Variants in ABCC9 observed in about 807,000 individuals in gnomAD.
ABCC9 encodes ATP-binding cassette sub-family C member 9.
In ABCC9, 95 loss-of-function variants were observed where a neutral mutation model predicts 188.3. The observed-to-expected ratio is 0.50, with a 90% confidence interval of 0.43 to 0.60. ABCC9 has a LOEUF of 0.60. Ranked by LOEUF, ABCC9 falls within the 20% of genes least tolerant of loss-of-function variation. The probability of loss-of-function intolerance (pLI) is 0.00; values close to 1 mark genes in which losing one functional copy is unlikely to be tolerated. For synonymous variants in ABCC9, 659 were observed against 652.7 expected, an observed-to-expected ratio of 1.01 and a Z score of -0.15; for missense variants, 1,102 against 1,876.3, an observed-to-expected ratio of 0.59 and a Z score of 7.62.
chr12:21,902,867 G>T (rs1192582115), intron 12 of ABCC9, among the ~76,000 whole-genome samples: 1 of 152,126 alleles, frequency 6.6e-6, no homozygotes, highest in African/African-American at 2.4e-5. Context: ...GAGGTACAAG[G>T]AGGAGCTGGT....
chr12:21,838,009 T>A, intron 30 of ABCC9, 69 bp downstream of exon 30: 1 of 1,242,752 alleles, frequency 8.0e-7, no homozygotes, highest in Non-Finnish European at 1.2e-6. Flanking sequence ...AATGATCAGT[T>A]ATTTGTAGAA....
At chr12:21,818,713 C>T (rs1847155807) in intron 31 of ABCC9, among the ~76,000 whole-genome samples, 1 of 149,468 alleles carries the variant, frequency 6.7e-6, no homozygotes, top group Non-Finnish European at 1.5e-5. Flanking sequence ...TTTTTGGACC[C>T]GGTTTTCTAG....
intron 30 of ABCC9, among the ~76,000 whole-genome samples, chr12:21,831,810 ACT>A (rs1943774911): frequency 6.6e-6 from 1 of 152,164 alleles, no homozygotes; most frequent in African/African-American, 2.4e-5. Context: ...TCCCTAGAGG[ACT>A]GTGTGATGGA....
Position 21,845,560 on chromosome 12 carries a change from A to G in ABCC9, c.3096+43T>C, listed in dbSNP as rs772784700. On this transcript the variant is annotated intron_variant, in intron 26 of 39. Coordinates refer to ENST00000261200, the MANE Select transcript of ABCC9 (RefSeq NM_020297.4). Reference sequence around the variant, plus strand: ...TAAGAAGGTATCACTGTTAATCTCAATATTTCCTTGATGATTTAAAAACAA... The same window carrying G: ...TAAGAAGGTATCACTGTTAATCTCAGTATTTCCTTGATGATTTAAAAACAA... 30 of 1,502,954 alleles carry G rather than the reference A, an allele frequency of 2.0e-5. No homozygotes were observed. In the South Asian group the frequency reaches 2.5e-4, roughly 13 times the overall value. 93.1% of individuals were successfully genotyped at this position (1,502,954 alleles called of 1,614,324 possible). A position where few individuals can be genotyped will look rare whatever the true frequency, so the allele number is the denominator to read the frequency against.
chr12:21,820,767 C>T (rs1186607021), intron 31 of ABCC9, among the ~76,000 whole-genome samples: 1 of 152,180 alleles, frequency 6.6e-6, no homozygotes, highest in Admixed American at 6.5e-5. Flanking sequence ...TCAACTCAAA[C>T]ATCACCTCCT....
At chr12:21,908,339 T>C (rs1398651200) in intron 10 of ABCC9, 128 bp from the exon 11 acceptor site, 1 of 1,196,242 alleles carries the variant, frequency 8.4e-7, no homozygotes, top group Non-Finnish European at 1.2e-6. Context: ...AAGTCAACGG[T>C]ATTAGGGTTC....
intron 31 of ABCC9, chr12:21,827,048 G>T: frequency 2.2e-6 from 2 of 921,554 alleles, no homozygotes; most frequent in Non-Finnish European, 2.6e-6. Context: ...TTTGTTTTTT[G>T]CAGGTGGAAT....
At chr12:21,834,744 G>GAT (rs150455707) in intron 30 of ABCC9, among the ~76,000 whole-genome samples, 2,357 of 148,036 alleles carry the variant, frequency 0.016, 73 homozygotes, top group African/African-American at 0.055. Flanking sequence ...GGCTGAAAAT[G>GAT]ATATATATAT....
intron 18 of ABCC9, 58 bp from the exon 19 acceptor site, chr12:21,864,535 G>A (rs1592102337): frequency 1.7e-6 from 2 of 1,185,200 alleles, no homozygotes; most frequent in East Asian, 4.7e-5. Flanking sequence ...GAACCAATGT[G>A]CATACACGTC....
At chr12:21,822,790 C>CAA (rs538002229) in intron 31 of ABCC9, among the ~76,000 whole-genome samples, 2,387 of 84,058 alleles carry the variant, frequency 0.028, 97 homozygotes, top group African/African-American at 0.1. Context: ...GACTCCGTCT[C>CAA]AAAAAAAAAA....
chr12:21,925,336 G>T, intron 5 of ABCC9: 2 of 544,144 alleles, frequency 3.7e-6, no homozygotes, highest in East Asian at 2.9e-5. Context: ...ACAGAACAAG[G>T]AAGCAAGAGA....
chr12:21,813,767 T>C (rs4148679), intron 35 of ABCC9, among the ~76,000 whole-genome samples: 33,014 of 152,100 alleles, frequency 0.22, 4,038 homozygotes, highest in African/African-American at 0.32. Context: ...AAAAAAACTA[T>C]ATTTACTATA....
intron 10 of ABCC9, 95 bp downstream of exon 10, chr12:21,910,062 A>G: frequency 8.0e-7 from 1 of 1,248,012 alleles, no homozygotes; most frequent in South Asian, 1.2e-5. Context: ...TGCACATTCA[A>G]AAACTATACA....
chr12:21,878,449 G>A (rs1946471358), intron 16 of ABCC9, among the ~76,000 whole-genome samples: 1 of 152,160 alleles, frequency 6.6e-6, no homozygotes, highest in African/African-American at 2.4e-5. Context: ...CTGTGGAGAA[G>A]GTGACACAGT....
At chr12:21,846,165 C>T (rs767647671) in intron 25 of ABCC9, among the ~76,000 whole-genome samples, 16 of 152,144 alleles carry the variant, frequency 1.1e-4, no homozygotes, top group Admixed American at 6.5e-5. Context: ...TTACAAACAT[C>T]TACAATATTG....
intron 20 of ABCC9, among the ~76,000 whole-genome samples, chr12:21,861,546 A>G (rs1353719050): frequency 2.6e-5 from 4 of 152,064 alleles, no homozygotes; most frequent in Non-Finnish European, 5.9e-5. Flanking sequence ...TCCGACTCTT[A>G]AAAAGCTAGT....
intron 30 of ABCC9, among the ~76,000 whole-genome samples, chr12:21,829,610 G>A (rs1943639749): frequency 6.6e-6 from 1 of 151,966 alleles, no homozygotes; most frequent in South Asian, 2.1e-4. Context: ...CCCTTACTAG[G>A]AAAAAGAGTC....
intron 12 of ABCC9, among the ~76,000 whole-genome samples, chr12:21,901,567 G>A (rs985631879): frequency 2.0e-4 from 31 of 151,954 alleles, no homozygotes; most frequent in Admixed American, 1.5e-3. Context: ...CCCATCTCAC[G>A]TGTAGAGACA....
At chr12:21,829,315 C>T (rs1406715135) in intron 30 of ABCC9, among the ~76,000 whole-genome samples, 1 of 146,066 alleles carries the variant, frequency 6.8e-6, no homozygotes, top group Admixed American at 7.1e-5. Context: ...CATTCTTCTG[C>T]CTCAGCCTCC....
Sources: gnomAD v4.1 joint callset for allele counts (sites outside exome capture counted in the v4.1 genomes callset) on GRCh38, gnomAD v4.1.1 for gene constraint, MANE v1.5 for transcripts, NCBI Gene and HGNC (gene_info 2026-07-23, HGNC 2026-07-21) for gene names.